ZNF91: variants seen among roughly 807,000 people sequenced by gnomAD.
ZNF91 encodes zinc finger protein 91, also known as zinc finger protein 91 (HPF7, HTF10).
ZNF91 carries 7 observed loss-of-function variants against 12.6 expected under a neutral mutation model. The observed-to-expected ratio is 0.55, with a 90% CI of 0.31 to 1.04. The LOEUF (loss-of-function observed/expected upper bound fraction) is 1.04, where lower values mean the gene tolerates loss of function less well. Among genes scored for constraint, ZNF91 ranks in the 50% least tolerant of loss-of-function variants. The pLI, the probability that ZNF91 is intolerant of heterozygous loss-of-function variation, is 0.05. For missense variants in ZNF91, 1,217 were observed against 1,385.4 expected, an observed-to-expected ratio of 0.88 and a Z score of 1.93; for synonymous variants, 453 against 462.6, an observed-to-expected ratio of 0.98 and a Z score of 0.27.
intron 1 of ZNF91, chr19:23,384,935 G>C: frequency 1.2e-6 from 1 of 812,132 alleles, no homozygotes; most frequent in Non-Finnish European, 2.2e-6. Context: ...GAGTCCTTTC[G>C]GCCAGCAAAG....
In ZNF91 at chr19:23,349,392, G is replaced by A. The variant is rs1968307536; in HGVS notation, c.254-10338C>T. Among the ~76,000 whole-genome samples, 3 of 151,998 alleles carry A rather than the reference G, an allele frequency of 2.0e-5. No homozygotes were observed. The South Asian group carries it at 6.2e-4, about 32-fold the overall frequency. Reference sequence around the variant, plus strand: ...TTTCTCAGACCAGCCGACACTTAGGGAAAACAGAAAATAACCTACATTGAA... The same window carrying A: ...TTTCTCAGACCAGCCGACACTTAGGAAAAACAGAAAATAACCTACATTGAA... On this transcript the variant is annotated intron_variant, in intron 3 of 3. Transcript: ENST00000599743.
chr19:23,365,839 C>T (rs1968982977), intron 3 of ZNF91, among the ~76,000 whole-genome samples: 1 of 152,112 alleles, frequency 6.6e-6, no homozygotes, highest in African/African-American at 2.4e-5. Flanking sequence ...ATCCATTTAA[C>T]CCTGAGTGGA....
intron 3 of ZNF91, among the ~76,000 whole-genome samples, chr19:23,369,376 C>T (rs1353007529): frequency 3.2e-4 from 49 of 151,338 alleles, no homozygotes; most frequent in South Asian, 6.3e-4. Flanking sequence ...CCGCCCCGTC[C>T]GGGAGGGAGG....
chr19:23,340,542 AAAT>A (rs1444884599), intron 3 of ZNF91, among the ~76,000 whole-genome samples: 1 of 152,060 alleles, frequency 6.6e-6, no homozygotes, highest in African/African-American at 2.4e-5. Flanking sequence ...CAATAAAAAA[AAAT>A]GTCTTGACAA....
intron 3 of ZNF91, among the ~76,000 whole-genome samples, chr19:23,351,342 AAAAG>A (rs1050174947): frequency 6.6e-5 from 10 of 151,940 alleles, no homozygotes; most frequent in African/African-American, 1.4e-4. Flanking sequence ...AAAAAAAAAA[AAAAG>A]AAAGAAAAGA....
intron 1 of ZNF91, among the ~76,000 whole-genome samples, chr19:23,393,279 A>C (rs1252199460): frequency 6.6e-6 from 1 of 151,956 alleles, no homozygotes; most frequent in Admixed American, 6.6e-5. Flanking sequence ...AATTAACTTT[A>C]AAAAAAAGTG....
intron 1 of ZNF91, among the ~76,000 whole-genome samples, chr19:23,316,838 C>T (rs978837417): frequency 6.6e-6 from 1 of 152,088 alleles, no homozygotes; most frequent in Non-Finnish European, 1.5e-5. Flanking sequence ...ATCACAGAGC[C>T]CAGCATCCAA....
intron 3 of ZNF91, among the ~76,000 whole-genome samples, chr19:23,352,425 C>T (rs1968389625): frequency 6.6e-6 from 1 of 152,094 alleles, no homozygotes; most frequent in Non-Finnish European, 1.5e-5. Context: ...CATCTAGCAC[C>T]TCCCGCACCC....
At chr19:23,394,942 A>C (rs1194040528) in intron 1 of ZNF91, among the ~76,000 whole-genome samples, 1 of 152,114 alleles carries the variant, frequency 6.6e-6, no homozygotes, top group East Asian at 1.9e-4. Flanking sequence ...TAATAGAAAA[A>C]AAGAGGCCCT....
At chr19:23,330,835 A>G (rs1206827956) in intron 1 of ZNF91, among the ~76,000 whole-genome samples, 1 of 152,174 alleles carries the variant, frequency 6.6e-6, no homozygotes, top group Non-Finnish European at 1.5e-5. Flanking sequence ...TCTACAAATA[A>G]CTCAGAGTTT....
At position 23,359,141 on chromosome 19, in the gene ZNF91, C is replaced by T. The variant is rs1315567305; in HGVS notation, c.*262G>A. On this transcript the variant is annotated 3_prime_UTR_variant, in exon 4 of 4. Transcript: ENST00000300619. ...TAGAGTTTTACTCCAGTATGAATTA[C>T]CTTATGTTTAGTAAAGGTTGAAGAC... The T allele has an allele frequency of 1.8e-5, 9 of 506,924 alleles. No individual in the cohort carries two copies. The highest frequency in any genetic ancestry group is 4.7e-5 in the East Asian group (1 of 21,480). The allele number at this position is 506,924 out of a possible 1,614,324, so 31.4% of individuals were successfully genotyped here.
In ZNF91 at chr19:23,359,825, A is replaced by G. The variant is rs922757855; in HGVS notation, c.3154T>C (p.Cys1052Arg). Reference protein sequence around the residue: ...IIHTGEKPYKCEECGKAFISS... With the variant: ...IIHTGEKPYKREECGKAFISS... ...ATAAATGCTTTGCCACATTCTTCAC[A>G]CTTGTAAGGTTTCTCTCCAGTATGA... is the stretch of plus-strand genomic sequence containing the variant. The change falls in exon 4 of 4, where the codon TGT becomes CGT. Residue 1052 changes from cysteine (C) to arginine (R), a missense_variant. Physicochemically the swap from Cys to Arg is radical, Grantham distance 180. Coordinates refer to ENST00000300619, the MANE Select transcript of ZNF91 (RefSeq NM_003430.4). 1.2e-6 allele frequency: 2 copies of G among 1,613,854 alleles called. No homozygotes were observed. Among genetic ancestry groups the G allele is most frequent in the Non-Finnish European group, 1.7e-6 (2 of 1,179,970 alleles).
At chr19:23,353,306 C>A (rs548791098), downstream of ZNF91, among the ~76,000 whole-genome samples, 1 of 152,230 alleles carries the variant, frequency 6.6e-6, no homozygotes, top group Non-Finnish European at 1.5e-5. Context: ...CCCAAAGGAA[C>A]GTTCAAAACC....
At chr19:23,368,311 AC>A (rs1170106067) in intron 3 of ZNF91, among the ~76,000 whole-genome samples, 2 of 151,816 alleles carry the variant, frequency 1.3e-5, no homozygotes, top group African/African-American at 4.8e-5. Flanking sequence ...GGAGTTCAAG[AC>A]CAGACCAGCC....
intron 1 of ZNF91, among the ~76,000 whole-genome samples, chr19:23,391,265 T>C (rs1483401739): frequency 1.3e-5 from 2 of 152,228 alleles, no homozygotes; most frequent in African/African-American, 2.4e-5. Context: ...TTGTCTTCAG[T>C]GGTAAACATA....
intron 1 of ZNF91, among the ~76,000 whole-genome samples, chr19:23,323,070 G>A (rs539501881): frequency 2.5e-4 from 29 of 117,558 alleles, no homozygotes; most frequent in African/African-American, 9.0e-4. Flanking sequence ...TCATCCTCCC[G>A]TTTTTTTCTT....
At chr19:23,392,431 A>T (rs79209837) in intron 1 of ZNF91, among the ~76,000 whole-genome samples, 16,716 of 151,200 alleles carry the variant, frequency 0.11, 1,472 homozygotes, top group East Asian at 0.37. Flanking sequence ...AAATAGTCAC[A>T]TGGGAACACT....
At chr19:23,305,605 G>A (rs1967386548) in intron 3 of ZNF91, among the ~76,000 whole-genome samples, 1 of 152,110 alleles carries the variant, frequency 6.6e-6, no homozygotes, top group South Asian at 2.1e-4. Context: ...AATTAGTTTA[G>A]CCCAGGTGAC....
upstream of ZNF91, among the ~76,000 whole-genome samples, chr19:23,313,774 A>G (rs151108702): frequency 5.1e-4 from 78 of 152,322 alleles, no homozygotes; most frequent in East Asian, 0.013. Flanking sequence ...TGTAATTCAC[A>G]GGTGGGTTGG....
Sources: gnomAD v4.1 joint callset for allele counts (sites outside exome capture counted in the v4.1 genomes callset) on GRCh38, gnomAD v4.1.1 for gene constraint, MANE v1.5 for transcripts, NCBI Gene and HGNC (gene_info 2026-07-23, HGNC 2026-07-21) for gene names.